KCNU1: variants seen among roughly 807,000 people sequenced by gnomAD.
The protein encoded by KCNU1 is potassium channel subfamily U member 1.
Under a neutral mutation model 126.8 loss-of-function variants are expected in KCNU1, and 93 were observed. The ratio of observed to expected loss-of-function variants is 0.73; its 90% CI spans 0.62 to 0.87. The LOEUF (loss-of-function observed/expected upper bound fraction) is 0.87. Among genes scored for constraint, KCNU1 ranks in the 40% least tolerant of loss-of-function variants. KCNU1 has a pLI of 0.00. For missense variants in KCNU1, 1,330 were observed against 1,367.1 expected, an observed-to-expected ratio of 0.97 and a Z score of 0.43; for synonymous variants, 523 against 494.2, an observed-to-expected ratio of 1.06 and a Z score of -0.77.
Position 36,909,524 on chromosome 8 carries a change from T to C in KCNU1, c.2320T>C (p.Tyr774His), listed in dbSNP as rs752698582. ...ATTTCTCTGGAATTTTCCCCAGATA[T>C]ACATTCTGCCTGTAAGTATCATATA... ...WRFLWNFPQI[Y>H]ILPGCALYSG... Residue 774 changes from tyrosine to histidine, a missense_variant, in exon 21 of 27, where the codon TAC becomes CAC. Physicochemically the swap from Tyr to His is moderately conservative, Grantham distance 83. Coordinates refer to ENST00000399881, the MANE Select transcript of KCNU1 (RefSeq NM_001031836.3). 5.7e-6 allele frequency: 9 copies of C among 1,580,960 alleles called. No individual in the cohort carries two copies. Among genetic ancestry groups the C allele is most frequent in the African/African-American group, 1.3e-5 (1 of 74,244 alleles).
At chr8:36,878,155 C>G (rs1459058633) in intron 19 of KCNU1, among the ~76,000 whole-genome samples, 1 of 152,064 alleles carries the variant, frequency 6.6e-6, no homozygotes, top group African/African-American at 2.4e-5. Flanking sequence ...TTTTAAAAAG[C>G]TGATTTAGCA....
intron 19 of KCNU1, among the ~76,000 whole-genome samples, chr8:36,870,339 C>T (rs1806056993): frequency 6.6e-6 from 1 of 152,188 alleles, no homozygotes; most frequent in African/African-American, 2.4e-5. Flanking sequence ...ACGCATGACT[C>T]CTGAGACACC....
chr8:36,808,605 C>T (rs766145182), intron 6 of KCNU1, 113 bp from the exon 7 acceptor site: 9 of 679,884 alleles, frequency 1.3e-5, no homozygotes, highest in Admixed American at 4.8e-5. Context: ...CGGGTAATGC[C>T]GTTCCTTCTG....
At position 36,909,347 on chromosome 8, in the gene KCNU1, C is replaced by A; in HGVS notation, c.2143C>A (p.His715Asn). The A allele has an allele frequency of 6.2e-7, 1 of 1,613,570 alleles. No individual in the cohort carries two copies. The highest frequency in any genetic ancestry group is 1.1e-5 in the South Asian group (1 of 91,062). The change falls in exon 21 of 27, where the codon CAT becomes AAT. Residue 715 changes from histidine to asparagine, a missense_variant. This residue lies in a region of KCNU1 where 1,054 missense variants were observed against 1,053.9 expected (regional missense o/e 1.00). Coordinates refer to ENST00000399881, the MANE Select transcript of KCNU1 (RefSeq NM_001031836.3). ...CAAGTCAAAGTATAAGTTTCGGAACCATATTGTAGCATGTGTATTTGGAGA... is the reference window on the plus strand; with the variant it reads ...CAAGTCAAAGTATAAGTTTCGGAACAATATTGTAGCATGTGTATTTGGAGA... ...TGKSKYKFRN[H>N]IVACVFGDAH...
intron 19 of KCNU1, among the ~76,000 whole-genome samples, chr8:36,884,198 G>A (rs1004577412): frequency 6.6e-6 from 1 of 152,186 alleles, no homozygotes; most frequent in Non-Finnish European, 1.5e-5. Context: ...AGGTTTTGCT[G>A]GGAACTTGTG....
In KCNU1 at chr8:36,909,437, A is replaced by G. The variant is rs763535913; in HGVS notation, c.2233A>G (p.Arg745Gly). ...VMPLRASNYTRKELKDIVFIG... is the reference protein window; with the variant it reads ...VMPLRASNYTGKELKDIVFIG... ...GCCCTTGAGAGCCAGCAACTATACC[A>G]GGAAGGAGCTGAAGGACATAGTGTT... The change falls in exon 21 of 27, where the codon AGG (arginine) becomes GGG (glycine). Residue 745 changes from arginine (R) to glycine (G), a missense_variant. Arg to Gly is a moderately radical substitution (Grantham distance 125). Around this residue, in one of 3 missense-constraint regions of KCNU1, gnomAD observed 1,054 missense variants for 1,053.9 expected, o/e 1.00. Coordinates refer to ENST00000399881, the MANE Select transcript of KCNU1 (RefSeq NM_001031836.3). The G allele has an allele frequency of 1.9e-6, 3 of 1,613,354 alleles. No homozygotes were observed. Among genetic ancestry groups the G allele is most frequent in the East Asian group, 2.2e-5 (1 of 44,870 alleles).
At chr8:36,908,586 A>G (rs1014979453) in intron 20 of KCNU1, among the ~76,000 whole-genome samples, 5 of 144,356 alleles carry the variant, frequency 3.5e-5, no homozygotes, top group African/African-American at 5.2e-5. Context: ...TCGCAAGGAC[A>G]GACAATCAAA....
chr8:36,902,350 G>GAA (rs1563325457), intron 19 of KCNU1, among the ~76,000 whole-genome samples: 1 of 152,088 alleles, frequency 6.6e-6, no homozygotes, highest in East Asian at 1.9e-4. Flanking sequence ...CTTGGGAGAA[G>GAA]ATCATCTTAA....
chr8:36,903,301 G>C (rs947157362), intron 19 of KCNU1, among the ~76,000 whole-genome samples: 1 of 152,124 alleles, frequency 6.6e-6, no homozygotes, highest in East Asian at 1.9e-4. Flanking sequence ...GAGTTTGGGG[G>C]TGAGGCATTG....
intron 25 of KCNU1, 70 bp from the exon 26 acceptor site, chr8:36,932,850 C>G: frequency 1.2e-6 from 1 of 869,228 alleles, no homozygotes; most frequent in South Asian, 1.5e-5. Context: ...GCAAACGACA[C>G]TCCAGTGAGT....
At chr8:36,859,441 C>T (rs4140678) in intron 18 of KCNU1, among the ~76,000 whole-genome samples, 53,762 of 151,884 alleles carry the variant, frequency 0.35, 10,093 homozygotes, top group Admixed American at 0.43. Flanking sequence ...ACTTTCTCCC[C>T]GCTACTATAC....
At chr8:36,912,649 T>C (rs1032146592) in intron 22 of KCNU1, among the ~76,000 whole-genome samples, 2 of 152,090 alleles carry the variant, frequency 1.3e-5, no homozygotes, top group Admixed American at 1.3e-4. Flanking sequence ...TAACTGTCCA[T>C]AATTGGACAA....
At chr8:36,818,526 T>C (rs979443320) in intron 10 of KCNU1, among the ~76,000 whole-genome samples, 2 of 152,218 alleles carry the variant, frequency 1.3e-5, no homozygotes, top group Non-Finnish European at 2.9e-5. Context: ...CAGAAGTGTT[T>C]GATTTGCATG....
At chr8:36,909,158 G>GT (rs1464677624) in intron 20 of KCNU1, among the ~76,000 whole-genome samples, 153 bp from the exon 21 acceptor site, 4 of 152,154 alleles carry the variant, frequency 2.6e-5, no homozygotes, top group Admixed American at 1.3e-4. Flanking sequence ...CATGAGTTCT[G>GT]TTTTTTATAA....
intron 20 of KCNU1, among the ~76,000 whole-genome samples, chr8:36,908,674 T>C (rs1413613561): frequency 2.6e-5 from 4 of 152,034 alleles, no homozygotes; most frequent in African/African-American, 9.7e-5. Flanking sequence ...TAAATTTTTA[T>C]AATATTTCTT....
rs965806550 is a variant in KCNU1 at position 36,935,423 on chromosome 8, C to A, written c.3045-92C>A. 6.1e-6 allele frequency: 6 copies of A among 985,864 alleles called. No individual in the cohort carries two copies. In the African/African-American group the frequency reaches 9.8e-5, roughly 16 times the overall value. The allele number at this position is 985,864 out of a possible 1,614,324, so 61.1% of individuals were successfully genotyped here. Reference sequence around the variant, plus strand: ...AAAACAAAAACGTTTCCTCTTTGGGCCCAGCAAAATGACCTCTTTATTTGG... The same window carrying A: ...AAAACAAAAACGTTTCCTCTTTGGGACCAGCAAAATGACCTCTTTATTTGG... On this transcript the variant is annotated intron_variant, in intron 26 of 26. Coordinates refer to ENST00000399881, the MANE Select transcript of KCNU1 (RefSeq NM_001031836.3).
chr8:36,928,939 A>C, intron 24 of KCNU1: 1 of 683,654 alleles, frequency 1.5e-6, no homozygotes, highest in South Asian at 1.6e-5. Flanking sequence ...ACACTCATTA[A>C]TATCACTTCA....
At chr8:36,831,860 C>G (rs1474045954) in intron 10 of KCNU1, among the ~76,000 whole-genome samples, 2 of 151,544 alleles carry the variant, frequency 1.3e-5, no homozygotes, top group Non-Finnish European at 2.9e-5. Flanking sequence ...ATGGTAATGC[C>G]TAGGTTTTCT....
intron 2 of KCNU1, among the ~76,000 whole-genome samples, chr8:36,790,524 A>T: frequency 6.6e-6 from 1 of 152,100 alleles, no homozygotes; most frequent in East Asian, 1.9e-4. Context: ...AGACATTTAA[A>T]TGAGAAAATA....
Sources: gnomAD v4.1 joint callset for allele counts (sites outside exome capture counted in the v4.1 genomes callset) on GRCh38, gnomAD v4.1.1 for gene constraint, gnomAD v4.1.1 regional missense constraint, MANE v1.5 for transcripts, NCBI Gene and HGNC (gene_info 2026-07-23, HGNC 2026-07-21) for gene names.